SASS6: variants seen among roughly 807,000 people sequenced by gnomAD.
The protein encoded by SASS6 is SAS-6 centriolar assembly protein.
A neutral mutation model predicts 94.9 loss-of-function variants in SASS6; 59 were observed. The ratio of observed to expected loss-of-function variants is 0.62; its 90% CI spans 0.50 to 0.77. SASS6 has a LOEUF of 0.77. Ranked by LOEUF, SASS6 falls within the 30% of genes least tolerant of loss-of-function variation. The pLI is 0.00. For missense variants in SASS6, 698 were observed against 734.1 expected (o/e 0.95, Z 0.57); for synonymous variants, 264 against 270.0 (o/e 0.98, Z 0.22).
chr1:100,101,994 T>C (rs981293662), intron 14 of SASS6, among the ~76,000 whole-genome samples: 1 of 152,224 alleles, frequency 6.6e-6, no homozygotes, highest in Non-Finnish European at 1.5e-5. Flanking sequence ...TGTTTATTTG[T>C]CTCATTATTT....
chr1:100,122,527 T>A (rs1318251820), intron 3 of SASS6, 43 bp from the exon 4 acceptor site: 4 of 818,944 alleles, frequency 4.9e-6, no homozygotes, highest in Non-Finnish European at 7.8e-6. Context: ...AAATTTTAAT[T>A]AACTTTGTTT....
At chr1:100,091,293 T>C (rs1362708009) in intron 14 of SASS6, among the ~76,000 whole-genome samples, 5 of 151,958 alleles carry the variant, frequency 3.3e-5, no homozygotes, top group Non-Finnish European at 5.9e-5. Context: ...TGAAACTCTT[T>C]TGAAAAAAAT....
intron 5 of SASS6, among the ~76,000 whole-genome samples, chr1:100,120,822 G>A (rs977237269): frequency 2.0e-5 from 3 of 151,798 alleles, no homozygotes; most frequent in Non-Finnish European, 2.9e-5. Flanking sequence ...AGGCCGAGGC[G>A]GGCGGATCAC....
At chr1:100,121,303 T>C (rs1654179240) in intron 5 of SASS6, 75 bp downstream of exon 5, 1 of 813,298 alleles carries the variant, frequency 1.2e-6, no homozygotes, top group South Asian at 1.9e-5. Context: ...CTTATGGCAA[T>C]GTATCTCTTC....
chr1:100,130,799 C>A (rs766675528), intron 1 of SASS6, among the ~76,000 whole-genome samples: 2 of 152,032 alleles, frequency 1.3e-5, no homozygotes, highest in African/African-American at 2.4e-5. Context: ...ATATTTTAGG[C>A]TTTGCGGGCC....
At chr1:100,132,212 T>C (rs1385996810) in intron 1 of SASS6, among the ~76,000 whole-genome samples, 1 of 152,216 alleles carries the variant, frequency 6.6e-6, no homozygotes, top group Non-Finnish European at 1.5e-5. Context: ...GTTTCTGCTT[T>C]TCTCATTTTT....
At chr1:100,129,227 A>T (rs558339366) in intron 1 of SASS6, among the ~76,000 whole-genome samples, 1 of 152,000 alleles carries the variant, frequency 6.6e-6, no homozygotes, top group African/African-American at 2.4e-5. Flanking sequence ...ACAGAGTGAC[A>T]GCCTCTCTCT....
rs1336690006 is a variant in SASS6 at position 100,108,020 on chromosome 1, A to G, written c.862-16T>C. The stretch of plus-strand genomic sequence containing the variant: ...GCTGTAGCTCCTAGAATGGGAAAAG[A>G]AAGAAATTAAGCATTATGAAAAAAG... On this transcript the variant is annotated splice_polypyrimidine_tract_variant and intron_variant, in intron 8 of 16. Coordinates refer to ENST00000287482, the MANE Select transcript of SASS6 (RefSeq NM_194292.3). 6.6e-6 allele frequency: 10 copies of G among 1,525,052 alleles called. No individual in the cohort carries two copies. The highest frequency in any genetic ancestry group is 8.9e-6 in the Non-Finnish European group (10 of 1,120,518). 94.5% of individuals were successfully genotyped at this position (1,525,052 alleles called of 1,614,324 possible). A position where few individuals can be genotyped will look rare whatever the true frequency, so the allele number is the denominator to read the frequency against.
At chr1:100,097,346 A>G (rs1300505253) in intron 14 of SASS6, among the ~76,000 whole-genome samples, 3 of 152,238 alleles carry the variant, frequency 2.0e-5, no homozygotes, top group Non-Finnish European at 4.4e-5. Context: ...ACTTGTACAC[A>G]TATGTTCACA....
chr1:100,129,005 G>C (rs1468547181), intron 1 of SASS6, among the ~76,000 whole-genome samples: 1 of 152,148 alleles, frequency 6.6e-6, no homozygotes, highest in Admixed American at 6.5e-5. Context: ...TTGGGAGGCT[G>C]AGGTGGGTGG....
At chr1:100,127,079 G>A (rs545090309) in intron 1 of SASS6, among the ~76,000 whole-genome samples, 1 of 152,244 alleles carries the variant, frequency 6.6e-6, no homozygotes. Flanking sequence ...AGGTATATAG[G>A]TGAAAGTGCT....
intron 13 of SASS6, among the ~76,000 whole-genome samples, chr1:100,104,161 T>G (rs1023118072): frequency 6.6e-6 from 1 of 152,202 alleles, no homozygotes; most frequent in Non-Finnish European, 1.5e-5. Flanking sequence ...AAGCTGTAAT[T>G]AAAGCAGCAG....
At chr1:100,125,710 C>T (rs1249904457) in intron 2 of SASS6, among the ~76,000 whole-genome samples, 172 bp downstream of exon 2, 1 of 151,386 alleles carries the variant, frequency 6.6e-6, no homozygotes, top group Admixed American at 6.6e-5. Flanking sequence ...GTATAATTAT[C>T]CTTCAGTTGT....
rs553619384 is a variant in SASS6 at position 100,107,310 on chromosome 1, A to C, written c.1326+64T>G. 4.9e-5 allele frequency: 49 copies of C among 1,003,920 alleles called. 1 individual carries two copies. Among genetic ancestry groups the C allele is most frequent in the Non-Finnish European group, 7.1e-5 (47 of 664,270 alleles). The allele number at this position is 1,003,920 out of a possible 1,614,324, so 62.2% of individuals were successfully genotyped here. A position where few individuals can be genotyped will look rare whatever the true frequency, so the allele number is the denominator to read the frequency against. On this transcript the variant is annotated intron_variant, in intron 11 of 16. Coordinates refer to ENST00000287482, the MANE Select transcript of SASS6 (RefSeq NM_194292.3). The stretch of plus-strand genomic sequence containing the variant: ...CCAAAGCCATTTGTTAATGTAACAA[A>C]GCATAAATTTTTAAAACGAGGAAAA...
At chr1:100,121,266 C>T in intron 5 of SASS6, 112 bp downstream of exon 5, 1 of 627,682 alleles carries the variant, frequency 1.6e-6, no homozygotes, top group African/African-American at 1.9e-5. Context: ...CGTTATATTT[C>T]ATAAAACTTT....
chr1:100,107,327 CGAG>C (rs745472590), intron 11 of SASS6, 44 bp downstream of exon 11: 2 of 1,225,014 alleles, frequency 1.6e-6, no homozygotes, highest in Non-Finnish European at 2.3e-6. Context: ...ATTTTTAAAA[CGAG>C]GAAAAAATTT....
intron 1 of SASS6, among the ~76,000 whole-genome samples, chr1:100,130,486 G>A (rs1654921744): frequency 6.6e-6 from 1 of 152,110 alleles, no homozygotes; most frequent in South Asian, 2.1e-4. Flanking sequence ...TTCAAGACCA[G>A]CCTGGGCAAT....
At chr1:100,087,852 C>T (rs1651418927) in intron 15 of SASS6, among the ~76,000 whole-genome samples, 1 of 152,096 alleles carries the variant, frequency 6.6e-6, no homozygotes, top group Admixed American at 6.5e-5. Flanking sequence ...ATTTGAAAGC[C>T]CAGTCTTCAG....
At chr1:100,103,603 G>A (rs2101657476) in intron 13 of SASS6, among the ~76,000 whole-genome samples, 1 of 152,282 alleles carries the variant, frequency 6.6e-6, no homozygotes, top group East Asian at 1.9e-4. Flanking sequence ...AGTTGTAACA[G>A]AAATCTTGAG....
Sources: allele counts gnomAD v4.1 joint callset (sites outside exome capture counted in the v4.1 genomes callset), GRCh38; gene constraint gnomAD v4.1.1; transcripts MANE v1.5; gene names NCBI Gene and HGNC (gene_info 2026-07-23, HGNC 2026-07-21).